Variants in TGFBI observed in about 807,000 individuals in gnomAD.
TGFBI encodes transforming growth factor-beta-induced protein ig-h3.
TGFBI carries 50 observed loss-of-function variants against 73.7 expected under a neutral mutation model. The observed-to-expected ratio is 0.68, with a 90% CI of 0.54 to 0.86. TGFBI has a LOEUF of 0.86. TGFBI is among the 40% of genes least tolerant of loss of function. The pLI, the probability that TGFBI is intolerant of heterozygous loss-of-function variation, is 0.00. For synonymous variants in TGFBI, 362 were observed against 360.5 expected (o/e 1.00, Z -0.05); for missense variants, 839 against 877.0 (o/e 0.96, Z 0.55).
In TGFBI at chr5:136,059,044, T is replaced by C. The variant is rs901793721; in HGVS notation, c.1679-46T>C. 3.1e-6 allele frequency: 5 copies of C among 1,592,890 alleles called. No individual in the cohort carries two copies. The African/African-American group carries it at 6.7e-5, about 21-fold the overall frequency. On this transcript the variant is annotated intron_variant, in intron 12 of 16. Transcript: ENST00000442011. ...CTGGGCCCTCCTTGACCAGGCTAAT[T>C]ACCATTCTTGGGATTAACTCTATCT... is the stretch of plus-strand genomic sequence containing the variant.
In TGFBI at chr5:136,056,666, A is replaced by G. The variant is rs769946729; in HGVS notation, c.1549A>G (p.Met517Val). Residue 517 changes from methionine (M) to valine (V), a missense_variant and splice_region_variant, in exon 12 of 17, where the codon ATG becomes GTG. Transcript: ENST00000442011. Reference protein sequence around the residue: ...DVLKGDNRFSMLVAAIQSAGL... With the variant: ...DVLKGDNRFSVLVAAIQSAGL... ...CATTTTCTGTGTGTGTATCTACAGC[A>G]TGCTGGTAGCTGCCATCCAGTCTGC... The G allele has an allele frequency of 6.2e-7, 1 of 1,613,964 alleles. No individual in the cohort carries two copies. Among genetic ancestry groups the G allele is most frequent in the Admixed American group, 1.7e-5 (1 of 60,016 alleles).
intron 2 of TGFBI, among the ~76,000 whole-genome samples, chr5:136,041,729 C>T (rs1751342803): frequency 6.6e-6 from 1 of 152,154 alleles, no homozygotes; most frequent in South Asian, 2.1e-4. Flanking sequence ...CCCCCAACCT[C>T]CATTTCTCCT....
At chr5:136,030,356 G>A (rs1271735044) in intron 1 of TGFBI, among the ~76,000 whole-genome samples, 1 of 152,180 alleles carries the variant, frequency 6.6e-6, no homozygotes, top group Admixed American at 6.5e-5. Context: ...CTGGGTACGG[G>A]TACAGGCTGC....
Position 136,029,127 on chromosome 5 carries a change from T to A in TGFBI, c.72T>A (p.Gly24=). 1 of 1,524,832 alleles carries A rather than the reference T, an allele frequency of 6.6e-7. No individual in the cohort carries two copies. The highest frequency in any genetic ancestry group is 8.7e-7 in the Non-Finnish European group (1 of 1,142,990). 94.5% of individuals were successfully genotyped at this position (1,524,832 alleles called of 1,614,324 possible). A position where few individuals can be genotyped will look rare whatever the true frequency, so the allele number is the denominator to read the frequency against. ...TGGGCCCCGCCGCGACCCTGGCGGG[T>A]CCCGCCAAGTCGCCCTACCAGCTGG... ...LALGPAATLA[G]PAKSPYQLVL... The change falls in exon 1 of 17, where the codon GGT becomes GGA. Residue 24 remains glycine (G), a synonymous_variant. Transcript: ENST00000442011.
chr5:136,042,822 C>T (rs772812629), intron 2 of TGFBI, among the ~76,000 whole-genome samples: 1 of 152,162 alleles, frequency 6.6e-6, no homozygotes, highest in Non-Finnish European at 1.5e-5. Flanking sequence ...ATGAATCAGG[C>T]TTCATCTTCG....
chr5:136,059,085 T>C lies in TGFBI; in HGVS notation c.1679-5T>C, dbSNP rs1157007041. 1 of 1,610,610 alleles carries C rather than the reference T, an allele frequency of 6.2e-7. No individual in the cohort carries two copies. The highest frequency in any genetic ancestry group is 8.5e-7 in the Non-Finnish European group (1 of 1,178,544). ...AACTCTATCTCCTTTTCCCGCAACC[T>C]GCAGGAGATGCCAAGGAACTTGCCA... On this transcript the variant is annotated splice_region_variant and splice_polypyrimidine_tract_variant and intron_variant, in intron 12 of 16. Transcript: ENST00000442011.
At chr5:136,053,904 C>A (rs372312393) in intron 8 of TGFBI, 39 bp from the exon 9 acceptor site, 158 of 1,609,218 alleles carry the variant, frequency 9.8e-5, no homozygotes, top group Non-Finnish European at 1.2e-4. Context: ...ATGAAAACAG[C>A]GCTTTTAACT....
At chr5:136,033,888 C>A (rs1250253769) in intron 2 of TGFBI, 27 bp downstream of exon 2, 39 of 1,592,978 alleles carry the variant, frequency 2.4e-5, no homozygotes, top group Non-Finnish European at 3.2e-5. Context: ...AGCCAGGAGA[C>A]CAAGCTGTAT....
At position 136,033,858 on chromosome 5, in the gene TGFBI, C is replaced by T; in HGVS notation, c.230C>T (p.Ser77Leu). The T allele has an allele frequency of 6.2e-7, 1 of 1,613,184 alleles. No homozygotes were observed. Among genetic ancestry groups the T allele is most frequent in the Non-Finnish European group, 8.5e-7 (1 of 1,179,466 alleles). Residue 77 changes from serine (S) to leucine (L), a missense_variant, in exon 2 of 17, where the codon TCA becomes TTA. Ser to Leu is a moderately radical substitution (Grantham distance 145, BLOSUM62 -2). Transcript: ENST00000442011. Reference sequence around the variant, plus strand: ...TACCAAAGGAAAATCTGTGGCAAATCAACGTGAGTATCTGTAACCAGCCAG... The same window carrying T: ...TACCAAAGGAAAATCTGTGGCAAATTAACGTGAGTATCTGTAACCAGCCAG... ...QWYQRKICGK[S>L]TVISYECCPG...
chr5:136,036,238 G>T (rs543778739), intron 2 of TGFBI, among the ~76,000 whole-genome samples: 2 of 152,152 alleles, frequency 1.3e-5, no homozygotes, highest in Non-Finnish European at 2.9e-5. Context: ...GGGAGATGGG[G>T]TTCAGAGTGG....
Position 136,044,070 on chromosome 5 carries a change from C to T in TGFBI, c.246C>T (p.Tyr82=), listed in dbSNP as rs373533246. 2.1e-5 allele frequency: 34 copies of T among 1,613,074 alleles called. No homozygotes were observed. In the African/African-American group the frequency reaches 2.4e-4, roughly 11 times the overall value. ...KICGKSTVIS[Y]ECCPGYEKVP... ...TGTCTTGTTACAGAGTCATCAGCTA[C>T]GAGTGCTGTCCTGGATATGAAAAGG... Residue 82 remains tyrosine (Y), a synonymous_variant, in exon 3 of 17, where the codon TAC becomes TAT. Coordinates refer to ENST00000442011, the MANE Select transcript of TGFBI (RefSeq NM_000358.3).
At chr5:136,046,239 A>G (rs1751423608) in intron 3 of TGFBI, 96 bp from the exon 4 acceptor site, 3 of 1,457,680 alleles carry the variant, frequency 2.1e-6, no homozygotes, top group Non-Finnish European at 2.8e-6. Flanking sequence ...CGTCCTCTCC[A>G]CCTGTAGATG....
At chr5:136,038,719 T>TGA (rs757437803) in intron 2 of TGFBI, among the ~76,000 whole-genome samples, 2 of 72,288 alleles carry the variant, frequency 2.8e-5, no homozygotes, top group Admixed American at 2.5e-4. Flanking sequence ...AGACTCCATC[T>TGA]CAAAAAAAAA....
Position 136,049,340 on chromosome 5 carries a change from C to A in TGFBI, c.772-99C>A, listed in dbSNP as rs562303933. ...TTTTCGTCTTGGGCTTCTGTGAAAG[C>A]CTCGAGCCCTTGCGGGGAACCAGTG... On this transcript the variant is annotated intron_variant, in intron 6 of 16. Transcript: ENST00000442011. The A allele has an allele frequency of 4.8e-5, 70 of 1,468,130 alleles. No homozygotes were observed. In the South Asian group the frequency reaches 8.6e-4, roughly 18 times the overall value. The allele number at this position is 1,468,130 out of a possible 1,614,324, so 90.9% of individuals were successfully genotyped here. A position where few individuals can be genotyped will look rare whatever the true frequency, so the allele number is the denominator to read the frequency against.
chr5:136,040,346 A>G (rs1190475815), intron 2 of TGFBI, among the ~76,000 whole-genome samples: 1 of 152,210 alleles, frequency 6.6e-6, no homozygotes, highest in East Asian at 1.9e-4. Flanking sequence ...ACCAGGCCAC[A>G]CAGCAGGAGT....
At position 136,063,193 on chromosome 5, in the gene TGFBI, C is replaced by A; in HGVS notation, c.2019C>A (p.Val673=). ...ASQRSVRLAP[V]YQKLLERMKH is the part of the protein sequence containing the mutation. ...CCAACTTCTCTTTTTCAGCCCCTGT[C>A]TATCAAAAGTTATTAGAGAGGATGA... Residue 673 remains valine, a synonymous_variant, in exon 17 of 17, where the codon GTC becomes GTA. Coordinates refer to ENST00000442011, the MANE Select transcript of TGFBI (RefSeq NM_000358.3). 6.2e-7 allele frequency: 1 copy of A among 1,613,812 alleles called. No homozygotes were observed. Among genetic ancestry groups the A allele is most frequent in the South Asian group, 1.1e-5 (1 of 91,018 alleles).
intron 2 of TGFBI, among the ~76,000 whole-genome samples, chr5:136,043,845 C>T (rs1394002024): frequency 5.9e-5 from 9 of 152,206 alleles, no homozygotes; most frequent in Admixed American, 2.0e-4. Context: ...TGTTGGCAGC[C>T]GCCAGGAGCA....
intron 9 of TGFBI, among the ~76,000 whole-genome samples, 199 bp from the exon 10 acceptor site, chr5:136,054,517 C>T (rs935983527): frequency 6.6e-6 from 1 of 152,144 alleles, no homozygotes; most frequent in African/African-American, 2.4e-5. Context: ...AAACTCCAAA[C>T]ACCCTTGATT....
At chr5:136,039,768 G>C (rs1319610288) in intron 2 of TGFBI, among the ~76,000 whole-genome samples, 2 of 152,218 alleles carry the variant, frequency 1.3e-5, no homozygotes, top group Non-Finnish European at 2.9e-5. Flanking sequence ...AGTGGTTGAG[G>C]CCTTTGTTGG....
Sources: allele counts gnomAD v4.1 joint callset (sites outside exome capture counted in the v4.1 genomes callset), GRCh38; gene constraint gnomAD v4.1.1; transcripts MANE v1.5; gene names NCBI Gene and HGNC (gene_info 2026-07-23, HGNC 2026-07-21).